The following OPCML variants were observed in gnomAD, a reference collection of about 807,000 sequenced individuals.
OPCML encodes the protein opioid binding protein/cell adhesion molecule like, also known as opioid-binding protein/cell adhesion molecule.
A neutral mutation model predicts 37.8 loss-of-function variants in OPCML; 13 were observed. The observed-to-expected ratio is 0.34, with a 90% confidence interval of 0.22 to 0.55. The LOEUF (loss-of-function observed/expected upper bound fraction) is 0.55. Among genes scored for constraint, OPCML ranks in the 20% least tolerant of loss-of-function variants. The probability of loss-of-function intolerance (pLI) is 0.91; values close to 1 mark genes in which losing one functional copy is unlikely to be tolerated. For missense variants in OPCML, 341 were observed against 435.6 expected, an observed-to-expected ratio of 0.78 and a Z score of 1.93; for synonymous variants, 176 against 168.8, an observed-to-expected ratio of 1.04 and a Z score of -0.33.
At chr11:132,970,301 G>A (rs945426423) in intron 1 of OPCML, among the ~76,000 whole-genome samples, 2 of 152,164 alleles carry the variant, frequency 1.3e-5, no homozygotes, top group African/African-American at 4.8e-5. Context: ...ACTCAGAGAA[G>A]TTTTACCTCA....
intron 1 of OPCML, among the ~76,000 whole-genome samples, chr11:133,186,211 AG>A (rs1464584836): frequency 6.6e-6 from 1 of 152,198 alleles, no homozygotes; most frequent in Non-Finnish European, 1.5e-5. Context: ...AATATGCAAA[AG>A]AATCTGCTGT....
chr11:133,126,070 TACACACACACAC>T (rs3049587), intron 1 of OPCML, among the ~76,000 whole-genome samples: 3 of 148,350 alleles, frequency 2.0e-5, no homozygotes, highest in African/African-American at 7.5e-5. Flanking sequence ...ATATGTACCA[TACACACACACAC>T]ACACACACAC....
At chr11:133,504,044 C>T (rs2120564070) in intron 1 of OPCML, among the ~76,000 whole-genome samples, 1 of 152,260 alleles carries the variant, frequency 6.6e-6, no homozygotes, top group Admixed American at 6.5e-5. Context: ...CCCCAGGTCC[C>T]ACATTCTCAA....
At chr11:133,483,303 TAGATAGGC>T (rs1020439803) in intron 1 of OPCML, among the ~76,000 whole-genome samples, 8 of 147,098 alleles carry the variant, frequency 5.4e-5, no homozygotes, top group African/African-American at 2.1e-4. Flanking sequence ...CTAGAGCTGA[TAGATAGGC>T]AGATAGATAG....
At chr11:132,530,476 C>T (rs1047721254) in intron 3 of OPCML, among the ~76,000 whole-genome samples, 2 of 152,204 alleles carry the variant, frequency 1.3e-5, no homozygotes, top group African/African-American at 4.8e-5. Flanking sequence ...AATCTATTCC[C>T]TACATGTAAC....
intron 4 of OPCML, among the ~76,000 whole-genome samples, chr11:132,466,346 T>C (rs962935165): frequency 5.5e-5 from 8 of 145,936 alleles, no homozygotes; most frequent in African/African-American, 2.0e-4. Flanking sequence ...TAGCCAGGTG[T>C]GGTGGCGGGC....
chr11:132,968,349 A>C (rs1194022288), intron 1 of OPCML, among the ~76,000 whole-genome samples: 4 of 152,178 alleles, frequency 2.6e-5, no homozygotes, highest in Non-Finnish European at 5.9e-5. Flanking sequence ...TAAGAGCTAC[A>C]CTTAGTGAGA....
chr11:132,516,573 G>A (rs1470189776), intron 4 of OPCML, among the ~76,000 whole-genome samples: 1 of 152,126 alleles, frequency 6.6e-6, no homozygotes, highest in African/African-American at 2.4e-5. Context: ...ATAACCTAAG[G>A]ACAGAGAGAT....
intron 1 of OPCML, among the ~76,000 whole-genome samples, chr11:133,328,070 A>T (rs539235737): frequency 6.6e-6 from 1 of 152,188 alleles, no homozygotes; most frequent in Non-Finnish European, 1.5e-5. Context: ...AAAACTGAAA[A>T]CTAGCTAGGT....
In OPCML at chr11:133,173,912, G is replaced by A. The variant is rs1020130129; in HGVS notation, c.62-230902C>T. Among the ~76,000 whole-genome samples, 5 of 152,150 alleles carry A rather than the reference G, an allele frequency of 3.3e-5. No individual in the cohort carries two copies. Among genetic ancestry groups the A allele is most frequent in the African/African-American group, 9.7e-5 (4 of 41,424 alleles). On this transcript the variant is annotated intron_variant, in intron 1 of 7. Transcript: ENST00000524381. The surrounding 1 kb of genome is among the most constrained non-coding windows in gnomAD (Gnocchi z 7.8). ...CTGGAATGAAGATTGGACCGGGGCCGGCCGGCACTGGAGCAGCCCTCTCCC... is the reference window on the plus strand; with the variant it reads ...CTGGAATGAAGATTGGACCGGGGCCAGCCGGCACTGGAGCAGCCCTCTCCC...
At chr11:133,228,298 C>T (rs528812981) in intron 1 of OPCML, among the ~76,000 whole-genome samples, 1 of 152,118 alleles carries the variant, frequency 6.6e-6, no homozygotes, top group Non-Finnish European at 1.5e-5. Context: ...GTGTTCACAC[C>T]CCGGTTTTAC....
At chr11:132,789,481 G>A (rs1228683515) in intron 2 of OPCML, among the ~76,000 whole-genome samples, 1 of 152,106 alleles carries the variant, frequency 6.6e-6, no homozygotes, top group Admixed American at 6.6e-5. Context: ...AGAATCAGTC[G>A]AGTTCATTTA....
chr11:132,702,335 G>C (rs542499662), intron 2 of OPCML, among the ~76,000 whole-genome samples: 4 of 152,222 alleles, frequency 2.6e-5, no homozygotes, highest in African/African-American at 7.2e-5. Context: ...TAATATTCTT[G>C]TTTAACGCTT....
At chr11:133,484,141 TAGA>T in intron 1 of OPCML, among the ~76,000 whole-genome samples, 1 of 141,932 alleles carries the variant, frequency 7.0e-6, no homozygotes, top group African/African-American at 2.9e-5. Flanking sequence ...AGATAGATGA[TAGA>T]TGGATAGATA....
intron 1 of OPCML, among the ~76,000 whole-genome samples, chr11:133,229,657 TAAAGAAA>T (rs1940191487): frequency 6.6e-6 from 1 of 151,998 alleles, no homozygotes; most frequent in Non-Finnish European, 1.5e-5. Context: ...TGTGAAACTG[TAAAGAAA>T]AAAAAGATGT....
intron 3 of OPCML, among the ~76,000 whole-genome samples, chr11:132,593,266 G>A (rs765915519): frequency 6.6e-6 from 1 of 152,120 alleles, no homozygotes; most frequent in Non-Finnish European, 1.5e-5. Context: ...AAGGATGTCG[G>A]TGTGGCTGGG....
intron 1 of OPCML, among the ~76,000 whole-genome samples, chr11:132,974,425 A>C (rs1946411388): frequency 6.6e-6 from 1 of 152,216 alleles, no homozygotes; most frequent in Non-Finnish European, 1.5e-5. Context: ...TGGTCATCAG[A>C]GAAATGCAAA....
chr11:133,352,905 G>A (rs1944174174), intron 1 of OPCML, among the ~76,000 whole-genome samples: 1 of 152,162 alleles, frequency 6.6e-6, no homozygotes, highest in Admixed American at 6.5e-5. Context: ...TTGTGCTTCT[G>A]TTTCCTCACC....
intron 1 of OPCML, among the ~76,000 whole-genome samples, chr11:133,530,844 T>A (rs1467712409): frequency 6.6e-6 from 1 of 152,188 alleles, no homozygotes; most frequent in Non-Finnish European, 1.5e-5. Flanking sequence ...CCAGTAAACT[T>A]CCATTTTTCT....
Sources: gnomAD v4.1 joint callset for allele counts (sites outside exome capture counted in the v4.1 genomes callset) on GRCh38, gnomAD v4.1.1 for gene constraint, Gnocchi (gnomAD v3.1) non-coding constraint, MANE v1.5 for transcripts, NCBI Gene and HGNC (gene_info 2026-07-23, HGNC 2026-07-21) for gene names.